The following TCERG1L variants were observed in gnomAD, a reference collection of about 807,000 sequenced individuals.
TCERG1L encodes transcription elongation regulator 1 like, also known as transcription elongation regulator 1-like protein.
TCERG1L carries 37 observed loss-of-function variants against 56.3 expected under a neutral mutation model. The observed-to-expected ratio is 0.66, with a 90% CI of 0.51 to 0.87. The LOEUF (loss-of-function observed/expected upper bound fraction) is 0.87, where lower values mean the gene tolerates loss of function less well. TCERG1L is among the 40% of genes least tolerant of loss of function. The pLI, the probability that TCERG1L is intolerant of heterozygous loss-of-function variation, is 0.00. For synonymous variants in TCERG1L, 324 were observed against 326.3 expected (o/e 0.99, Z 0.08); for missense variants, 799 against 774.2 (o/e 1.03, Z -0.38).
chr10:131,096,657 T>C (rs1845250136), intron 11 of TCERG1L, among the ~76,000 whole-genome samples: 1 of 152,090 alleles, frequency 6.6e-6, no homozygotes, highest in African/African-American at 2.4e-5. Context: ...TCCCAGCACT[T>C]TGGGAGGCCA....
intron 4 of TCERG1L, among the ~76,000 whole-genome samples, chr10:131,176,136 A>G (rs1240635006): frequency 1.3e-5 from 2 of 152,152 alleles, no homozygotes; most frequent in Non-Finnish European, 2.9e-5. Flanking sequence ...GTTGTCACGA[A>G]AGTCACAGCT....
chr10:131,265,825 C>A (rs1450684912), intron 3 of TCERG1L, among the ~76,000 whole-genome samples: 1 of 152,240 alleles, frequency 6.6e-6, no homozygotes. Context: ...ATGTTGATGG[C>A]CGCTGACTGA....
chr10:131,146,741 A>G, intron 6 of TCERG1L, 81 bp from the exon 7 acceptor site: 5 of 1,444,112 alleles, frequency 3.5e-6, no homozygotes, highest in Non-Finnish European at 3.7e-6. Flanking sequence ...CTCACTGAAA[A>G]AGCCCCTCAG....
At chr10:131,238,753 G>C (rs1845941002) in intron 4 of TCERG1L, among the ~76,000 whole-genome samples, 1 of 152,228 alleles carries the variant, frequency 6.6e-6, no homozygotes, top group Non-Finnish European at 1.5e-5. Flanking sequence ...AATGGTCCAA[G>C]CCACTTGCCC....
chr10:131,222,680 A>G (rs552931595), intron 4 of TCERG1L, among the ~76,000 whole-genome samples: 4 of 152,286 alleles, frequency 2.6e-5, no homozygotes, highest in Admixed American at 2.6e-4. Context: ...GGATCACCCT[A>G]CTCAGGAAAG....
Position 131,251,220 on chromosome 10 carries a change from C to G in TCERG1L, c.856+9039G>C, listed in dbSNP as rs139615777. Among the ~76,000 whole-genome samples, 516 of 152,302 alleles carry G rather than the reference C, an allele frequency of 3.4e-3. 4 individuals carry two copies. The East Asian group carries it at 0.055, about 16-fold the overall frequency. The stretch of plus-strand genomic sequence containing the variant: ...GAGCTCTGCCGTGGCCCTGACCACT[C>G]CCACGCCCTTCTGCCCAGGCCAGCA... On this transcript the variant is annotated intron_variant, in intron 4 of 11. Coordinates refer to ENST00000368642, the MANE Select transcript of TCERG1L (RefSeq NM_174937.4).
chr10:131,168,368 C>T (rs1459815501), intron 4 of TCERG1L, among the ~76,000 whole-genome samples: 2 of 152,166 alleles, frequency 1.3e-5, no homozygotes, highest in African/African-American at 2.4e-5. Context: ...CTGCATGGGG[C>T]CAGCTGTCAT....
intron 4 of TCERG1L, among the ~76,000 whole-genome samples, chr10:131,192,953 A>T (rs1435665177): frequency 6.6e-6 from 1 of 152,108 alleles, no homozygotes; most frequent in Non-Finnish European, 1.5e-5. Context: ...CTCCAAATTC[A>T]CCAAGATATA....
At chr10:131,114,712 C>A (rs1015309745) in intron 9 of TCERG1L, among the ~76,000 whole-genome samples, 1 of 152,102 alleles carries the variant, frequency 6.6e-6, no homozygotes, top group Non-Finnish European at 1.5e-5. Flanking sequence ...AAGGGAAGGC[C>A]GGCCTCTCAA....
chr10:131,182,726 A>C (rs955537739), intron 4 of TCERG1L, among the ~76,000 whole-genome samples: 5 of 151,754 alleles, frequency 3.3e-5, no homozygotes, highest in Non-Finnish European at 7.4e-5. Flanking sequence ...TTGCAGACTA[A>C]TCTATGTGAA....
intron 4 of TCERG1L, among the ~76,000 whole-genome samples, chr10:131,233,477 C>T (rs558550926): frequency 6.6e-6 from 1 of 151,622 alleles, no homozygotes; most frequent in South Asian, 2.1e-4. Context: ...CACACACAGA[C>T]ACGCACACAC....
At chr10:131,131,002 C>A (rs1845612809) in intron 8 of TCERG1L, among the ~76,000 whole-genome samples, 1 of 152,124 alleles carries the variant, frequency 6.6e-6, no homozygotes, top group Non-Finnish European at 1.5e-5. Flanking sequence ...GGAGAGGAAG[C>A]AAATTGGTGG....
chr10:131,188,915 G>A (rs1421917622), intron 4 of TCERG1L, among the ~76,000 whole-genome samples: 1 of 152,168 alleles, frequency 6.6e-6, no homozygotes, highest in Admixed American at 6.5e-5. Context: ...AGGCAAATAT[G>A]AGTGTATATC....
At chr10:131,190,036 C>T (rs915971960) in intron 4 of TCERG1L, among the ~76,000 whole-genome samples, 1 of 151,908 alleles carries the variant, frequency 6.6e-6, no homozygotes, top group Non-Finnish European at 1.5e-5. Flanking sequence ...GCTTGATTAA[C>T]CAAGAAAAGA....
intron 4 of TCERG1L, among the ~76,000 whole-genome samples, chr10:131,232,665 G>A (rs547739807): frequency 6.6e-5 from 10 of 152,198 alleles, no homozygotes; most frequent in Non-Finnish European, 1.3e-4. Context: ...CGTTCCAACA[G>A]TGCGGACAGC....
At chr10:131,098,463 G>T (rs948601012) in intron 10 of TCERG1L, 39 bp from the exon 11 acceptor site, 2 of 1,521,314 alleles carry the variant, frequency 1.3e-6, no homozygotes, top group Admixed American at 2.2e-5. Flanking sequence ...TCATGAAATT[G>T]CATATCAGAA....
chr10:131,113,357 C>T (rs11017730), intron 9 of TCERG1L, among the ~76,000 whole-genome samples: 1,901 of 142,176 alleles, frequency 0.013, 177 homozygotes, highest in African/African-American at 0.044. Context: ...CCTTTCTGTG[C>T]ACGCGTGCCC....
At chr10:131,237,836 G>T (rs1845929390) in intron 4 of TCERG1L, among the ~76,000 whole-genome samples, 1 of 152,158 alleles carries the variant, frequency 6.6e-6, no homozygotes, top group African/African-American at 2.4e-5. Context: ...CTAATGGGTT[G>T]CAAGTCTTCG....
intron 4 of TCERG1L, among the ~76,000 whole-genome samples, chr10:131,171,258 A>G (rs968526868): frequency 6.6e-6 from 1 of 152,036 alleles, no homozygotes; most frequent in Non-Finnish European, 1.5e-5. Flanking sequence ...TCTTAGCTTC[A>G]GAAACTCTTG....
Sources: allele counts gnomAD v4.1 joint callset (sites outside exome capture counted in the v4.1 genomes callset), GRCh38; gene constraint gnomAD v4.1.1; transcripts MANE v1.5; gene names NCBI Gene and HGNC (gene_info 2026-07-23, HGNC 2026-07-21).